The following NOL4L variants were observed in gnomAD, a reference collection of about 807,000 sequenced individuals.
NOL4L encodes the protein nucleolar protein 4 like, also known as nucleolar protein 4-like.
Under a neutral mutation model 64.5 loss-of-function variants are expected in NOL4L, and 7 were observed. The ratio of observed to expected loss-of-function variants is 0.11; its 90% CI spans 0.06 to 0.20. The LOEUF is 0.20. NOL4L is among the 10% of genes least tolerant of loss of function. The pLI is 1.00. For synonymous variants in NOL4L, 413 were observed against 401.0 expected (o/e 1.03, Z -0.36); for missense variants, 680 against 967.1 (o/e 0.70, Z 3.94).
At chr20:32,488,181 T>C (rs1341832294) in intron 4 of NOL4L, among the ~76,000 whole-genome samples, 1 of 152,208 alleles carries the variant, frequency 6.6e-6, no homozygotes, top group Non-Finnish European at 1.5e-5. Flanking sequence ...CCACCCGCCT[T>C]GGCCTTCCAA....
chr20:32,474,483 C>T lies in NOL4L; in HGVS notation c.841+118G>A, dbSNP rs1390132061. 13 of 1,290,974 alleles carry T rather than the reference C, an allele frequency of 1.0e-5. No individual in the cohort carries two copies. The Admixed American group carries it at 1.2e-4, about 12-fold the overall frequency. 80.0% of individuals were successfully genotyped at this position (1,290,974 alleles called of 1,614,324 possible). A position where few individuals can be genotyped will look rare whatever the true frequency, so the allele number is the denominator to read the frequency against. ...AGTGCAAGCTTGGGCCTGAGCCACC[C>T]AAAGGCCTTGGCCCAGATTCCGCCA... On this transcript the variant is annotated intron_variant, in intron 5 of 10. Transcript: ENST00000621426.
rs1033861424 is a variant in NOL4L, at chr20:32,446,226, CCTATCAAT to C, written c.*1362_*1369del. ...GTATTGCACTGAGCAAGAGGAAGTG[CCTATCAAT>C]CAATCAATCAGGGAGGAAGGAAACC... On this transcript the variant is annotated 3_prime_UTR_variant, in exon 11 of 11. Coordinates refer to ENST00000621426, the MANE Select transcript of NOL4L (RefSeq NM_001256798.2). 1 of 128,670 alleles carries C rather than the reference CCTATCAAT, an allele frequency of 7.8e-6. No individual in the cohort carries two copies. Among genetic ancestry groups the C allele is most frequent in the African/African-American group, 2.6e-5 (1 of 39,172 alleles). 8.0% of individuals were successfully genotyped at this position (128,670 alleles called of 1,614,324 possible).
At chr20:32,490,962 C>T (rs1006262516) in intron 4 of NOL4L, among the ~76,000 whole-genome samples, 1 of 152,224 alleles carries the variant, frequency 6.6e-6, no homozygotes, top group African/African-American at 2.4e-5. Flanking sequence ...GACTCGCCAT[C>T]TTTTGTCCCC....
At chr20:32,544,266 G>C (rs1223017476) in intron 1 of NOL4L, among the ~76,000 whole-genome samples, 1 of 151,462 alleles carries the variant, frequency 6.6e-6, no homozygotes, top group Non-Finnish European at 1.5e-5. Context: ...GTATAGCAGG[G>C]CCCAGGAGCT....
In NOL4L at chr20:32,483,464, C is replaced by A. The variant is rs11905894; in HGVS notation, c.700-8722G>T. 1.8e-3 allele frequency: 1,762 copies of A among 990,910 alleles called. 27 individuals are homozygous for A. The African/African-American group carries it at 0.029, about 16-fold the overall frequency. The allele number at this position is 990,910 out of a possible 1,614,324, so 61.4% of individuals were successfully genotyped here. On this transcript the variant is annotated intron_variant, in intron 4 of 10. Transcript: ENST00000621426. ...CTCCAGCTGCTGCTGCTGCTGCTGC[C>A]GCCGCGGCTGCCCGGGGAGAGGGGC...
At position 32,511,410 on chromosome 20, in the gene NOL4L, G is replaced by A. The variant is rs761919184; in HGVS notation, c.636C>T (p.Asn212=). The A allele has an allele frequency of 1.3e-6, 2 of 1,550,530 alleles. No homozygotes were observed. The highest frequency in any genetic ancestry group is 1.7e-6 in the Non-Finnish European group (2 of 1,146,932). Residue 212 remains asparagine, a synonymous_variant, in exon 4 of 11, where the codon AAC becomes AAT. Transcript: ENST00000621426. ...TCAGGTAGGTGGAGGTGAGGGGCAT[G>A]TTGTAATCAATAATCCCAGAGACCA... is the stretch of plus-strand genomic sequence containing the variant. ...SPLVSGIIDY[N]MPLTSTYLKQ... is the part of the protein sequence containing the mutation.
intron 4 of NOL4L, among the ~76,000 whole-genome samples, chr20:32,506,169 C>G (rs929271967): frequency 6.6e-6 from 1 of 152,104 alleles, no homozygotes; most frequent in Non-Finnish European, 1.5e-5. Flanking sequence ...AAATCTGAAC[C>G]TTGATCCCTA....
chr20:32,573,657 G>T, intron 1 of NOL4L: 1 of 219,066 alleles, frequency 4.6e-6, no homozygotes, highest in Non-Finnish European at 9.4e-6. Flanking sequence ...CTCAGAGAGG[G>T]GAAGTAACTT....
At position 32,460,693 on chromosome 20, in the gene NOL4L, T is replaced by A. The variant is rs2013961384; in HGVS notation, c.842-4298A>T. Among the ~76,000 whole-genome samples the A allele has an allele frequency of 6.6e-6, 1 of 152,082 alleles. No individual in the cohort carries two copies. Among genetic ancestry groups the A allele is most frequent in the East Asian group, 1.9e-4 (1 of 5,184 alleles). On this transcript the variant is annotated intron_variant, in intron 5 of 10. Coordinates refer to ENST00000621426, the MANE Select transcript of NOL4L (RefSeq NM_001256798.2). This position sits in a 1 kb window ranked among gnomAD's most constrained non-coding sequence, Gnocchi z 5.7. ...CTCACCCACTGCCGACGCACGAGGC[T>A]CCCAGACTGCAACGGGGGCTTCTGG...
chr20:32,552,413 G>A (rs1049460360), intron 1 of NOL4L, among the ~76,000 whole-genome samples: 38 of 152,076 alleles, frequency 2.5e-4, no homozygotes, highest in African/African-American at 8.0e-4. Flanking sequence ...CTGGCAGTGC[G>A]CGGTAGCTCA....
chr20:32,585,043 G>C lies in NOL4L; in HGVS notation c.-153C>G. On this transcript the variant is annotated 5_prime_UTR_variant, in exon 1 of 11. Coordinates refer to ENST00000621426, the MANE Select transcript of NOL4L (RefSeq NM_001256798.2). ...CGGCGAGGCTGCTGGATGGGCGCGG[G>C]CGGCGGCCGGACGCGCGGGGCTGCG... The C allele has an allele frequency of 3.7e-6, 1 of 266,688 alleles. No individual in the cohort carries two copies. Among genetic ancestry groups the C allele is most frequent in the Non-Finnish European group, 5.7e-6 (1 of 174,576 alleles). The allele number at this position is 266,688 out of a possible 1,614,324, so 16.5% of individuals were successfully genotyped here.
At chr20:32,488,794 T>TTCCTTCCTTCCTTC (rs1568647934) in intron 4 of NOL4L, among the ~76,000 whole-genome samples, 5 of 48,736 alleles carry the variant, frequency 1.0e-4, no homozygotes, top group East Asian at 6.0e-4. Flanking sequence ...TTCCTTCCTT[T>TTCCTTCCTTCCTTC]CTTTCTTTCT....
chr20:32,451,428 C>G (rs2012893056), intron 10 of NOL4L: 1 of 152,352 alleles, frequency 6.6e-6, no homozygotes, highest in South Asian at 2.1e-4. Context: ...CCACTCCTCC[C>G]CTGCTTCCCT....
intron 5 of NOL4L, among the ~76,000 whole-genome samples, chr20:32,459,367 C>T (rs529193876): frequency 2.0e-5 from 3 of 149,270 alleles, no homozygotes; most frequent in East Asian, 2.0e-4. Flanking sequence ...GCGCACACCA[C>T]GACGCTTGGC....
chr20:32,535,632 G>A (rs1265610358), intron 1 of NOL4L: 27 of 985,262 alleles, frequency 2.7e-5, no homozygotes, highest in Admixed American at 6.2e-5. Flanking sequence ...CACAGAGAAA[G>A]GTGCCTGGGA....
rs1216282859 is a variant in NOL4L at position 32,534,544 on chromosome 20, A to G, written c.322-6631T>C. ...AATCATGCCATTCCTCCTGTCCCCAAAACCCAGCCTTAATAAATTCAGTCA... is the reference window on the plus strand; with the variant it reads ...AATCATGCCATTCCTCCTGTCCCCAGAACCCAGCCTTAATAAATTCAGTCA... On this transcript the variant is annotated intron_variant, in intron 1 of 10. Transcript: ENST00000621426. Among the ~76,000 whole-genome samples, 3 of 152,214 alleles carry G rather than the reference A, an allele frequency of 2.0e-5. No individual in the cohort carries two copies. In the East Asian group the frequency reaches 5.8e-4, roughly 29 times the overall value.
chr20:32,573,173 G>C (rs904814465), intron 1 of NOL4L, among the ~76,000 whole-genome samples: 10 of 151,864 alleles, frequency 6.6e-5, no homozygotes, highest in Non-Finnish European at 5.9e-5. Flanking sequence ...GCGCCACCAT[G>C]CCCAGCTAAG....
chr20:32,488,702 C>T (rs555115689), intron 4 of NOL4L, among the ~76,000 whole-genome samples: 31 of 152,172 alleles, frequency 2.0e-4, no homozygotes, highest in Non-Finnish European at 3.2e-4. Context: ...ACTGTGTTTA[C>T]GGGGCACTTG....
rs1184826466 is a variant in NOL4L, at chr20:32,447,179, G to C, written c.*417C>G. 2.2e-6 allele frequency: 1 copy of C among 461,048 alleles called. No homozygotes were observed. Among genetic ancestry groups the C allele is most frequent in the East Asian group, 6.8e-5 (1 of 14,800 alleles). 28.6% of individuals were successfully genotyped at this position (461,048 alleles called of 1,614,324 possible). ...TCAGAAAAATAAATTACTAAGGGGAGAGGAAGAAAGGGTCCACTTTGCTTT... is the reference window on the plus strand; with the variant it reads ...TCAGAAAAATAAATTACTAAGGGGACAGGAAGAAAGGGTCCACTTTGCTTT... On this transcript the variant is annotated 3_prime_UTR_variant, in exon 11 of 11. Transcript: ENST00000621426.
Sources: gnomAD v4.1 joint callset for allele counts (sites outside exome capture counted in the v4.1 genomes callset) on GRCh38, gnomAD v4.1.1 for gene constraint, Gnocchi (gnomAD v3.1) non-coding constraint, MANE v1.5 for transcripts, NCBI Gene and HGNC (gene_info 2026-07-23, HGNC 2026-07-21) for gene names.